The following ZBTB25 variants were observed in gnomAD, a reference collection of about 807,000 sequenced individuals.
ZBTB25 encodes zinc finger and BTB domain-containing protein 25.
ZBTB25 carries 20 observed loss-of-function variants against 34.2 expected under a neutral mutation model. The ratio of observed to expected loss-of-function variants is 0.58; its 90% CI spans 0.41 to 0.85. The LOEUF is 0.85. Ranked by LOEUF, ZBTB25 falls within the 40% of genes least tolerant of loss-of-function variation. ZBTB25 has a pLI of 0.00. For synonymous variants in ZBTB25, 175 were observed against 186.4 expected (o/e 0.94, Z 0.50); for missense variants, 437 against 521.8 (o/e 0.84, Z 1.58).
At chr14:64,468,910 G>A (rs1047441047) in intron 2 of ZBTB25, 1 of 1,614,006 alleles carries the variant, frequency 6.2e-7, no homozygotes, top group African/African-American at 1.3e-5. Context: ...TGAATGATCA[G>A]GCAACAAAGG....
At position 64,485,263 on chromosome 14, in the gene ZBTB25, G is replaced by A; in HGVS notation, c.*1660C>T. 1.0e-6 allele frequency: 1 copy of A among 985,452 alleles called. No individual in the cohort carries two copies. Among genetic ancestry groups the A allele is most frequent in the Non-Finnish European group, 1.2e-6 (1 of 829,926 alleles). The allele number at this position is 985,452 out of a possible 1,614,324, so 61.0% of individuals were successfully genotyped here. A position where few individuals can be genotyped will look rare whatever the true frequency, so the allele number is the denominator to read the frequency against. On this transcript the variant is annotated 3_prime_UTR_variant, in exon 3 of 3. Transcript: ENST00000608382. ...GTCAGGAAACGTCCTCAGAAGTGGA[G>A]GGAGCTCAAGAGTTTTGTAAGTGGT...
chr14:64,460,027 T>A (rs1032867470), intron 2 of ZBTB25: 1 of 1,066,194 alleles, frequency 9.4e-7, no homozygotes, highest in African/African-American at 1.6e-5. Flanking sequence ...CAATATGAAT[T>A]ACAGCCTTAA....
intron 1 of ZBTB25, among the ~76,000 whole-genome samples, chr14:64,495,906 G>C (rs953933196): frequency 3.3e-5 from 5 of 151,128 alleles, no homozygotes; most frequent in Non-Finnish European, 4.4e-5. Context: ...GGTAAGCTGA[G>C]ATCACGCTAC....
chr14:64,473,853 A>G, downstream of ZBTB25: 1 of 166,864 alleles, frequency 6.0e-6, no homozygotes. Context: ...GGTAACATGA[A>G]CTCTCTTATA....
chr14:64,489,637 G>A (rs1253615080), intron 2 of ZBTB25, among the ~76,000 whole-genome samples: 7 of 150,718 alleles, frequency 4.6e-5, no homozygotes, highest in Non-Finnish European at 7.4e-5. Context: ...ATAGGTACAC[G>A]CAATTCTCCT....
At chr14:64,498,513 G>A (rs987263271) in intron 1 of ZBTB25, among the ~76,000 whole-genome samples, 6 of 152,142 alleles carry the variant, frequency 3.9e-5, no homozygotes, top group Non-Finnish European at 7.4e-5. Context: ...GTTTCGCCAC[G>A]TTGGCCAGGC....
intron 2 of ZBTB25, among the ~76,000 whole-genome samples, chr14:64,456,106 A>T (rs534689212): frequency 5.9e-5 from 9 of 152,322 alleles, no homozygotes; most frequent in African/African-American, 1.4e-4. Flanking sequence ...GTCACTTTTG[A>T]TCTTCACATG....
At chr14:64,452,736 GTGGCATC>G (rs775094948) in intron 2 of ZBTB25, among the ~76,000 whole-genome samples, 1 of 152,174 alleles carries the variant, frequency 6.6e-6, no homozygotes, top group Non-Finnish European at 1.5e-5. Flanking sequence ...TGTGTTAAGG[GTGGCATC>G]TGCCTCTCAT....
chr14:64,471,015 TGAATA>T (rs984868349), intron 2 of ZBTB25: 2 of 167,076 alleles, frequency 1.2e-5, no homozygotes, highest in Admixed American at 6.5e-5. Context: ...TGAATGTGGG[TGAATA>T]GAAAAGTGAA....
rs117070411 is a variant in ZBTB25 at position 64,485,814 on chromosome 14, T to G, written c.*1109A>C. The G allele has an allele frequency of 0.024, 24,120 of 985,344 alleles. 322 individuals carry two copies. The highest frequency in any genetic ancestry group is 0.043 in the Middle Eastern group (82 of 1,914). The allele number at this position is 985,344 out of a possible 1,614,324, so 61.0% of individuals were successfully genotyped here. ...CATTCTCTTTCAACTCATGTAAACC[T>G]CTGGTCATAAAATCTCAAATTACTT... On this transcript the variant is annotated 3_prime_UTR_variant, in exon 3 of 3. Transcript: ENST00000608382.
chr14:64,451,472 T>C lies in ZBTB25; in HGVS notation c.174-1834A>G, dbSNP rs114223746. 8.1e-3 allele frequency among the ~76,000 whole-genome samples: 1,240 copies of C among 152,378 alleles called. 17 individuals are homozygous for C. Among genetic ancestry groups the C allele is most frequent in the African/African-American group, 0.028 (1,175 of 41,594 alleles). ...CACTTACAGTTAATTAACATTGACATTGACATTCTCCTGTTGAGCTTTGAT... is the reference window on the plus strand; with the variant it reads ...CACTTACAGTTAATTAACATTGACACTGACATTCTCCTGTTGAGCTTTGAT... On this transcript the variant is annotated intron_variant, in intron 2 of 2. Transcript: ENST00000555220.
intron 2 of ZBTB25, chr14:64,470,867 A>G (rs2078662806): frequency 6.0e-6 from 1 of 167,024 alleles, no homozygotes; most frequent in Non-Finnish European, 1.5e-5. Flanking sequence ...CATCTTGCAG[A>G]ATTACTTCTT....
At chr14:64,472,450 TAAG>T (rs2078682945) in intron 2 of ZBTB25, 2 of 167,048 alleles carry the variant, frequency 1.2e-5, no homozygotes, top group Admixed American at 1.3e-4. Flanking sequence ...ATTTTTTGGT[TAAG>T]AAAGTAAAAT....
chr14:64,498,863 T>G (rs1394178215), intron 1 of ZBTB25, among the ~76,000 whole-genome samples: 2 of 151,318 alleles, frequency 1.3e-5, no homozygotes, highest in Non-Finnish European at 2.9e-5. Context: ...CTCGATTTCC[T>G]GACCTCATGA....
chr14:64,503,666 T>C lies in ZBTB25; in HGVS notation c.-13A>G, dbSNP rs1423763459. The stretch of plus-strand genomic sequence containing the variant: ...GGCAGGACCGCGTCGCTTACCCAGA[T>C]GCCGCCGCGGCGGCAGGCCGACTCC... On this transcript the variant is annotated 5_prime_UTR_variant, in exon 1 of 3. Coordinates refer to ENST00000608382, the MANE Select transcript of ZBTB25 (RefSeq NM_006977.5). 2.4e-5 allele frequency: 22 copies of C among 911,484 alleles called. No individual in the cohort carries two copies. The highest frequency in any genetic ancestry group is 2.6e-5 in the Non-Finnish European group (20 of 763,088). The allele number at this position is 911,484 out of a possible 1,614,324, so 56.5% of individuals were successfully genotyped here. A position where few individuals can be genotyped will look rare whatever the true frequency, so the allele number is the denominator to read the frequency against.
Position 64,495,329 on chromosome 14 carries a change from T to C in ZBTB25, c.-7-4789A>G, listed in dbSNP as rs145121044. On this transcript the variant is annotated intron_variant, in intron 1 of 2. Transcript: ENST00000608382. ...GCTCCTTTAGCCTTAAGTGTGCTGTTTGGAGGCTGCTCCACACATGTACAG... is the reference window on the plus strand; with the variant it reads ...GCTCCTTTAGCCTTAAGTGTGCTGTCTGGAGGCTGCTCCACACATGTACAG... Among the ~76,000 whole-genome samples, 8 of 152,332 alleles carry C rather than the reference T, an allele frequency of 5.3e-5. No individual in the cohort carries two copies. The East Asian group carries it at 1.4e-3, about 26-fold the overall frequency.
chr14:64,465,049 T>G (rs1299821510), intron 2 of ZBTB25, among the ~76,000 whole-genome samples: 2 of 152,270 alleles, frequency 1.3e-5, no homozygotes, highest in East Asian at 1.9e-4. Flanking sequence ...ATGACCTCGC[T>G]ATTCTATGCA....
intron 1 of ZBTB25, among the ~76,000 whole-genome samples, chr14:64,497,270 C>A (rs1489081617): frequency 6.6e-6 from 1 of 152,068 alleles, no homozygotes; most frequent in Non-Finnish European, 1.5e-5. Context: ...AATCAATAGC[C>A]CCATTCCATT....
In ZBTB25 at chr14:64,486,270, C is replaced by G. The variant is rs867419002; in HGVS notation, c.*653G>C. 6.3e-5 allele frequency: 61 copies of G among 974,652 alleles called. No homozygotes were observed. The Middle Eastern group carries it at 2.6e-3, about 42-fold the overall frequency. 60.4% of individuals were successfully genotyped at this position (974,652 alleles called of 1,614,324 possible). A position where few individuals can be genotyped will look rare whatever the true frequency, so the allele number is the denominator to read the frequency against. On this transcript the variant is annotated 3_prime_UTR_variant, in exon 3 of 3. Coordinates refer to ENST00000608382, the MANE Select transcript of ZBTB25 (RefSeq NM_006977.5). ...TCAGCCGAGATCGCGCCACTGCGCC[C>G]CAGCCTGGGCGACACAGAGAGACTC...
Sources: allele counts gnomAD v4.1 joint callset (sites outside exome capture counted in the v4.1 genomes callset), GRCh38; gene constraint gnomAD v4.1.1; transcripts MANE v1.5; gene names NCBI Gene and HGNC (gene_info 2026-07-23, HGNC 2026-07-21).